SIGLEC12: variants seen among roughly 807,000 people sequenced by gnomAD.
SIGLEC12 encodes sialic acid binding Ig like lectin 12.
SIGLEC12 carries 43 observed loss-of-function variants against 54.1 expected under a neutral mutation model. That is an observed-to-expected ratio of 0.80 (90% CI 0.62 to 1.03). The LOEUF (loss-of-function observed/expected upper bound fraction) is 1.03, where lower values mean the gene tolerates loss of function less well. SIGLEC12 is among the 50% of genes least tolerant of loss of function. The pLI is 0.00. For synonymous variants in SIGLEC12, 357 were observed against 307.6 expected (o/e 1.16, Z -1.68); for missense variants, 802 against 735.2 (o/e 1.09, Z -1.05).
rs1191628712 is a variant in SIGLEC12 at position 51,497,343 on chromosome 19, G to A, written c.1502+6C>T. ...AAGGCTCTTCCTCCCCAGGGTCAAT[G>A]CTCACACAACGAAGATGATGCAGAA... is the stretch of plus-strand genomic sequence containing the variant. On this transcript the variant is annotated splice_donor_region_variant and intron_variant, in intron 6 of 7. Coordinates refer to ENST00000291707, the MANE Select transcript of SIGLEC12 (RefSeq NM_053003.4). 3 of 1,611,676 alleles carry A rather than the reference G, an allele frequency of 1.9e-6. No homozygotes were observed. The African/African-American group carries it at 4.0e-5, about 22-fold the overall frequency.
chr19:51,491,797 G>A lies in SIGLEC12; in HGVS notation c.1632C>T (p.Ser544=). Residue 544 remains serine, a synonymous_variant, in exon 8 of 8, where the codon AGC becomes AGT. Coordinates refer to ENST00000291707, the MANE Select transcript of SIGLEC12 (RefSeq NM_053003.4). ...GGGCTGGCGGAGCATGGTGTGGGGGGCTGTCATCTGCCGGGGATTCAATCA... is the reference window on the plus strand; with the variant it reads ...GGGCTGGCGGAGCATGGTGTGGGGGACTGTCATCTGCCGGGGATTCAATCA... The part of the protein sequence containing the change: ...GPLIESPADD[S]PPHHAPPALA... The A allele has an allele frequency of 2.5e-6, 4 of 1,589,466 alleles. No homozygotes were observed. The highest frequency in any genetic ancestry group is 2.2e-5 in the East Asian group (1 of 44,608).
rs1990402191 is a variant in SIGLEC12 at position 51,501,667 on chromosome 19, C to A, written c.67G>T (p.Asp23Tyr). Residue 23 changes from aspartate (D) to tyrosine (Y), a missense_variant, in exon 1 of 8, where the codon GAT (aspartate) becomes TAT (tyrosine). By Grantham distance (160) the Asp-to-Tyr change is radical. Transcript: ENST00000291707. ...CGRVGAKEQKDYLLTMQKSVT... is the reference protein window; with the variant it reads ...CGRVGAKEQKYYLLTMQKSVT... ...GACTTCTGCATTGTCAGCAGGTAAT[C>A]CTTCTGTTCCTTAGCCCCCACTCTC... 6.2e-7 allele frequency: 1 copy of A among 1,614,090 alleles called. No individual in the cohort carries two copies. Among genetic ancestry groups the A allele is most frequent in the Non-Finnish European group, 8.5e-7 (1 of 1,179,966 alleles).
In SIGLEC12 at chr19:51,501,562, G is replaced by T. The variant is rs1361490493; in HGVS notation, c.172C>A (p.Pro58Thr). The T allele has an allele frequency of 6.2e-7, 1 of 1,613,952 alleles. No individual in the cohort carries two copies. ...GCCCGGAACCAGTAGCCATGAACTG[G>T]ATCGGAGGCAGTCCAGCCATTTTGG... The part of the protein sequence containing the change: ...YPQNGWTASD[P>T]VHGYWFRAGD... Residue 58 changes from proline to threonine, a missense_variant, in exon 1 of 8, where the codon CCA becomes ACA. Coordinates refer to ENST00000291707, the MANE Select transcript of SIGLEC12 (RefSeq NM_053003.4).
chr19:51,491,920 C>T lies in SIGLEC12; in HGVS notation c.1600-91G>A, dbSNP rs1568527523. 6 of 1,004,122 alleles carry T rather than the reference C, an allele frequency of 6.0e-6. No individual in the cohort carries two copies. In the East Asian group the frequency reaches 1.6e-4, roughly 27 times the overall value. The allele number at this position is 1,004,122 out of a possible 1,614,324, so 62.2% of individuals were successfully genotyped here. On this transcript the variant is annotated intron_variant, in intron 7 of 7. Coordinates refer to ENST00000291707, the MANE Select transcript of SIGLEC12 (RefSeq NM_053003.4). ...AGGAAGGAGGCCCAGGAGTTCCTTC[C>T]TCCATTCATCCCATGTGCACTTTGC...
intron 7 of SIGLEC12, among the ~76,000 whole-genome samples, chr19:51,494,749 C>T (rs1327821306): frequency 2.0e-5 from 3 of 152,146 alleles, no homozygotes; most frequent in Non-Finnish European, 4.4e-5. Flanking sequence ...AAAGAAAATG[C>T]GGTAAACATA....
At chr19:51,499,332 C>A in intron 3 of SIGLEC12, 106 bp downstream of exon 3, 2 of 1,565,600 alleles carry the variant, frequency 1.3e-6, no homozygotes, top group Non-Finnish European at 1.7e-6. Flanking sequence ...TGACCCCCAA[C>A]TCCCAGCCAA....
chr19:51,491,743 C>G lies in SIGLEC12; in HGVS notation c.1686G>C (p.Glu562Asp), dbSNP rs1599948567. ...ALATPSPEEG[E>D]IQYASLSFHK... is the part of the protein sequence containing the mutation. ...GGAAGCTGAGGGATGCATACTGGAT[C>G]TCTCCTTCCTCTGGGGAGGGGGTGG... Residue 562 changes from glutamate (E) to aspartate (D), a missense_variant, in exon 8 of 8, where the codon GAG (glutamate) becomes GAC (aspartate). By Grantham distance (45) the Glu-to-Asp change is conservative. Transcript: ENST00000291707. The G allele has an allele frequency of 6.2e-7, 1 of 1,613,102 alleles. No homozygotes were observed.
intron 3 of SIGLEC12, 93 bp from the exon 4 acceptor site, chr19:51,499,310 C>T (rs906660314): frequency 1.1e-5 from 17 of 1,575,508 alleles, no homozygotes; most frequent in Middle Eastern, 1.7e-4. Flanking sequence ...GAAGGTGGAG[C>T]CAGCATCCTC....
intron 7 of SIGLEC12, among the ~76,000 whole-genome samples, chr19:51,493,689 C>G (rs1293435907): frequency 1.3e-5 from 2 of 152,186 alleles, no homozygotes; most frequent in Admixed American, 1.3e-4. Context: ...AATCTATTGG[C>G]AATTCTCATA....
Position 51,491,445 on chromosome 19 carries a change from G to A in SIGLEC12, c.*196C>T, listed in dbSNP as rs1261179544. 3.5e-6 allele frequency: 2 copies of A among 571,272 alleles called. No individual in the cohort carries two copies. Among genetic ancestry groups the A allele is most frequent in the Non-Finnish European group, 6.2e-6 (2 of 323,280 alleles). 35.4% of individuals were successfully genotyped at this position (571,272 alleles called of 1,614,324 possible). A position where few individuals can be genotyped will look rare whatever the true frequency, so the allele number is the denominator to read the frequency against. On this transcript the variant is annotated 3_prime_UTR_variant, in exon 8 of 8. Coordinates refer to ENST00000291707, the MANE Select transcript of SIGLEC12 (RefSeq NM_053003.4). ...GAATGGTGGGTACCAGAGGCCGGGG[G>A]CGGGGAGTGTGGACCGATTGGATGG... is the stretch of plus-strand genomic sequence containing the variant.
In SIGLEC12 at chr19:51,497,412, C is replaced by T. The variant is rs749781933; in HGVS notation, c.1439G>A (p.Gly480Glu). ...TGTGGCTCCAGCTCCCCCGAATGCC[C>T]CTAGCGTCACTCCTGATATAGGCCT... ...KMRPISGVTLGAFGGAGATAL... is the reference protein window; with the variant it reads ...KMRPISGVTLEAFGGAGATAL... Residue 480 changes from glycine (G) to glutamate (E), a missense_variant, in exon 6 of 8, where the codon GGG becomes GAG. Coordinates refer to ENST00000291707, the MANE Select transcript of SIGLEC12 (RefSeq NM_053003.4). 11 of 1,613,170 alleles carry T rather than the reference C, an allele frequency of 6.8e-6. No homozygotes were observed. In the Admixed American group the frequency reaches 1.8e-4, roughly 27 times the overall value.
At chr19:51,497,707 C>T (rs374081643) in intron 5 of SIGLEC12, among the ~76,000 whole-genome samples, 52 of 152,216 alleles carry the variant, frequency 3.4e-4, no homozygotes, top group African/African-American at 1.2e-3. Context: ...AATCACATGG[C>T]AAGATTATTT....
Position 51,500,105 on chromosome 19 carries a change from G to C in SIGLEC12, c.623C>G (p.Pro208Arg). Residue 208 changes from proline (P) to arginine (R), a missense_variant, in exon 2 of 8, where the codon CCA becomes CGA. By Grantham distance (103) the Pro-to-Arg change is moderately radical. Coordinates refer to ENST00000291707, the MANE Select transcript of SIGLEC12 (RefSeq NM_053003.4). ...GGTATCCTCTTGCACTTTTCCACTT[G>C]GGGTGTTTGTGGCCACTGGAATATC... ...PWDIPVATNT[P>R]SGKVQEDTHG... is the part of the protein sequence containing the mutation. The C allele has an allele frequency of 1.2e-6, 2 of 1,614,120 alleles. No homozygotes were observed. The highest frequency in any genetic ancestry group is 1.3e-5 in the African/African-American group (1 of 75,030).
At position 51,499,707 on chromosome 19, in the gene SIGLEC12, T is replaced by G. The variant is rs751178674; in HGVS notation, c.818A>C (p.His273Pro). 1 of 1,613,926 alleles carries G rather than the reference T, an allele frequency of 6.2e-7. No individual in the cohort carries two copies. Among genetic ancestry groups the G allele is most frequent in the Non-Finnish European group, 8.5e-7 (1 of 1,179,926 alleles). ...KLSVHVTALT[H>P]MPTFSIPGTL... The stretch of plus-strand genomic sequence containing the variant: ...CCCCGGGATGGAGAAGGTGGGCATG[T>G]GAGTCAGGGCTGGTGATGAAAGGGA... Residue 273 changes from histidine (H) to proline (P), a missense_variant, in exon 3 of 8, where the codon CAC (histidine) becomes CCC (proline). His to Pro is a moderately conservative substitution (Grantham distance 77). Transcript: ENST00000291707.
At chr19:51,496,380 A>G (rs1452269457) in intron 7 of SIGLEC12, among the ~76,000 whole-genome samples, 1 of 152,146 alleles carries the variant, frequency 6.6e-6, no homozygotes, top group Non-Finnish European at 1.5e-5. Flanking sequence ...AGGCAGAATT[A>G]CTTGAACCCG....
chr19:51,499,857 C>T (rs1599956287), intron 2 of SIGLEC12, 63 bp downstream of exon 2: 2 of 1,558,018 alleles, frequency 1.3e-6, no homozygotes, highest in Non-Finnish European at 1.7e-6. Context: ...GGGGTCCCAC[C>T]TCAGCCCTAC....
chr19:51,499,883 C>T (rs1990346191), intron 2 of SIGLEC12, 37 bp downstream of exon 2: 2 of 1,577,436 alleles, frequency 1.3e-6, no homozygotes, highest in Admixed American at 1.7e-5. Context: ...GGCCCTCGGG[C>T]CTTCCCCTCT....
intron 7 of SIGLEC12, among the ~76,000 whole-genome samples, chr19:51,493,419 G>T (rs1276611991): frequency 6.6e-6 from 1 of 152,034 alleles, no homozygotes; most frequent in Admixed American, 6.5e-5. Flanking sequence ...ATAAACTGAC[G>T]ACTTCCAAAT....
chr19:51,493,377 A>G (rs560275358), intron 7 of SIGLEC12, among the ~76,000 whole-genome samples: 5 of 152,180 alleles, frequency 3.3e-5, no homozygotes, highest in African/African-American at 9.6e-5. Context: ...TTGCTTTGCA[A>G]TCTCATCCAC....
Sources: gnomAD v4.1 joint callset for allele counts (sites outside exome capture counted in the v4.1 genomes callset) on GRCh38, gnomAD v4.1.1 for gene constraint, MANE v1.5 for transcripts, NCBI Gene and HGNC (gene_info 2026-07-23, HGNC 2026-07-21) for gene names.